The following SNX13 variants were observed in gnomAD, a reference collection of about 807,000 sequenced individuals.
SNX13 encodes the protein sorting nexin 13.
A neutral mutation model predicts 133.6 loss-of-function variants in SNX13; 45 were observed. The ratio of observed to expected loss-of-function variants is 0.34; its 90% CI spans 0.27 to 0.43. SNX13 has a LOEUF of 0.43. Ranked by LOEUF, SNX13 falls within the 20% of genes least tolerant of loss-of-function variation. The probability of loss-of-function intolerance (pLI) is 1.00; values close to 1 mark genes in which losing one functional copy is unlikely to be tolerated. For missense variants in SNX13, 1,032 were observed against 1,145.1 expected (o/e 0.90, Z 1.43); for synonymous variants, 414 against 373.9 (o/e 1.11, Z -1.24).
intron 1 of SNX13, among the ~76,000 whole-genome samples, chr7:17,908,534 C>T (rs537930988): frequency 6.6e-6 from 1 of 152,210 alleles, no homozygotes; most frequent in Non-Finnish European, 1.5e-5. Context: ...ACACCTCACA[C>T]TCTTCCCAAA....
At chr7:17,811,503 C>T (rs2128295239) in intron 20 of SNX13, among the ~76,000 whole-genome samples, 1 of 152,218 alleles carries the variant, frequency 6.6e-6, no homozygotes, top group Admixed American at 6.5e-5. Context: ...AGAGAGGACA[C>T]AAATAAATGG....
chr7:17,863,583 C>T (rs559246711), intron 9 of SNX13, among the ~76,000 whole-genome samples: 2 of 152,364 alleles, frequency 1.3e-5, no homozygotes, highest in East Asian at 3.9e-4. Context: ...AGAAGGGAAG[C>T]TGTTGCCCTG....
intron 9 of SNX13, 63 bp from the exon 10 acceptor site, chr7:17,851,027 T>C (rs1171755711): frequency 1.3e-6 from 2 of 1,499,588 alleles, no homozygotes; most frequent in African/African-American, 2.8e-5. Flanking sequence ...GAAAACTGAA[T>C]CTTGAGTGCC....
rs778206599 is a variant in SNX13 at position 17,794,197 on chromosome 7, C to G, written c.2722G>C (p.Val908Leu). 5 of 1,611,552 alleles carry G rather than the reference C, an allele frequency of 3.1e-6. No individual in the cohort carries two copies. The highest frequency in any genetic ancestry group is 2.5e-6 in the Non-Finnish European group (3 of 1,178,504). The change falls in exon 26 of 26, where the codon GTT (valine) becomes CTT (leucine). Residue 908 changes from valine to leucine, a missense_variant. Coordinates refer to ENST00000428135, the MANE Select transcript of SNX13 (RefSeq NM_015132.5). ...FQHNQLNRRM[V>L]YVFLEGFLET... ...AAAAAGCCTTCCAAGAAGACATAAA[C>G]CATTCTCCTATTTAATTGGTTGTGC... is the stretch of plus-strand genomic sequence containing the variant.
chr7:17,933,362 T>A (rs4721670), intron 1 of SNX13, among the ~76,000 whole-genome samples: 1 of 151,834 alleles, frequency 6.6e-6, no homozygotes, highest in Non-Finnish European at 1.5e-5. Flanking sequence ...GCTAACCTGG[T>A]GAAACCCCGT....
chr7:17,846,128 CCTAA>C (rs1352425610), intron 11 of SNX13, among the ~76,000 whole-genome samples: 1 of 151,936 alleles, frequency 6.6e-6, no homozygotes, highest in Non-Finnish European at 1.5e-5. Context: ...TAATTTTGCT[CCTAA>C]CTCAGTAAAA....
chr7:17,847,467 G>T (rs999680614), intron 11 of SNX13, among the ~76,000 whole-genome samples: 28 of 152,074 alleles, frequency 1.8e-4, no homozygotes, highest in African/African-American at 6.8e-4. Context: ...GAGTAGCTCG[G>T]ATTACAGGCA....
At chr7:17,895,656 T>G (rs1318755153) in intron 2 of SNX13, among the ~76,000 whole-genome samples, 3 of 152,160 alleles carry the variant, frequency 2.0e-5, no homozygotes, top group Non-Finnish European at 4.4e-5. Flanking sequence ...TTTGAAATTA[T>G]TCCTTGATAA....
chr7:17,831,279 G>A (rs1366681391), intron 15 of SNX13: 1 of 969,760 alleles, frequency 1.0e-6, no homozygotes, highest in Non-Finnish European at 1.2e-6. Context: ...AGAAAGCACT[G>A]TTCAACATGG....
At chr7:17,816,324 T>A in intron 18 of SNX13, 35 bp from the exon 19 acceptor site, 4 of 1,514,918 alleles carry the variant, frequency 2.6e-6, no homozygotes, top group Non-Finnish European at 2.7e-6. Flanking sequence ...GCACTTTTTA[T>A]AAAGACAAAA....
chr7:17,910,737 A>C (rs562939706), intron 1 of SNX13, among the ~76,000 whole-genome samples: 1 of 152,252 alleles, frequency 6.6e-6, no homozygotes, highest in Non-Finnish European at 1.5e-5. Flanking sequence ...ACGTACTAGT[A>C]CATGCTATAA....
intron 24 of SNX13, among the ~76,000 whole-genome samples, chr7:17,797,479 T>TG (rs1784175284): frequency 6.6e-6 from 1 of 152,006 alleles, no homozygotes; most frequent in East Asian, 1.9e-4. Flanking sequence ...GCTTTACTCC[T>TG]GTTCCCTAAT....
rs142286247 is a variant in SNX13 at position 17,796,631 on chromosome 7, C to T, written c.2626+196G>A. 9.6e-4 allele frequency: 486 copies of T among 507,218 alleles called. 1 individual carries two copies. Among genetic ancestry groups the T allele is most frequent in the African/African-American group, 6.6e-3 (347 of 52,282 alleles). 31.4% of individuals were successfully genotyped at this position (507,218 alleles called of 1,614,324 possible). On this transcript the variant is annotated intron_variant, in intron 25 of 25. Transcript: ENST00000428135. The stretch of plus-strand genomic sequence containing the variant: ...CTCACATATAAAGCGGTGATGTTAA[C>T]AGTCCTTAGCTTTACAGTACTGTCA...
In SNX13 at chr7:17,929,932, G is replaced by C. The variant is rs144464464; in HGVS notation, c.12+10352C>G. 2.2e-3 allele frequency among the ~76,000 whole-genome samples: 335 copies of C among 152,296 alleles called. 1 individual carries two copies. Among genetic ancestry groups the C allele is most frequent in the Middle Eastern group, 6.8e-3 (2 of 294 alleles). On this transcript the variant is annotated intron_variant, in intron 1 of 25. Coordinates refer to ENST00000428135, the MANE Select transcript of SNX13 (RefSeq NM_015132.5). ...GAGATAGCAAGTAAGGAAAGAATTA[G>C]ATCATCTGGGTCATACAGGATTACT...
chr7:17,796,692 T>C lies in SNX13; in HGVS notation c.2626+135A>G, dbSNP rs149689325. The C allele has an allele frequency of 9.4e-4, 619 of 659,596 alleles. 3 individuals carry two copies. The highest frequency in any genetic ancestry group is 6.8e-3 in the African/African-American group (381 of 55,786). The allele number at this position is 659,596 out of a possible 1,614,324, so 40.9% of individuals were successfully genotyped here. ...TTAAGAACATATGAGAAATGCCTAG[T>C]ACAGTGCCTGATATGTATTAAGCCA... On this transcript the variant is annotated intron_variant, in intron 25 of 25. Coordinates refer to ENST00000428135, the MANE Select transcript of SNX13 (RefSeq NM_015132.5).
At chr7:17,809,459 G>A (rs879920388) in intron 20 of SNX13, among the ~76,000 whole-genome samples, 36 of 151,886 alleles carry the variant, frequency 2.4e-4, no homozygotes, top group Non-Finnish European at 5.0e-4. Flanking sequence ...CAATACAGGA[G>A]CACCCAGTTT....
At chr7:17,935,695 G>C (rs1263380577) in intron 1 of SNX13, among the ~76,000 whole-genome samples, 1 of 152,138 alleles carries the variant, frequency 6.6e-6, no homozygotes, top group Admixed American at 6.5e-5. Context: ...TGCCAAGTAA[G>C]GCTGTGTGTA....
At chr7:17,860,983 G>C (rs1447753678) in intron 9 of SNX13, among the ~76,000 whole-genome samples, 1 of 152,036 alleles carries the variant, frequency 6.6e-6, no homozygotes, top group Non-Finnish European at 1.5e-5. Flanking sequence ...TACAATATTA[G>C]GTCACTTCAT....
At chr7:17,914,062 C>T (rs547946097) in intron 1 of SNX13, among the ~76,000 whole-genome samples, 220 of 151,892 alleles carry the variant, frequency 1.4e-3, no homozygotes, top group African/African-American at 5.0e-3. Context: ...CCAAACAGAA[C>T]GTCTGGAATT....
Sources: gnomAD v4.1 joint callset for allele counts (sites outside exome capture counted in the v4.1 genomes callset) on GRCh38, gnomAD v4.1.1 for gene constraint, MANE v1.5 for transcripts, NCBI Gene and HGNC (gene_info 2026-07-23, HGNC 2026-07-21) for gene names.